The following BCL7C variants were observed in gnomAD, a reference collection of about 807,000 sequenced individuals.
BCL7C encodes the protein B-cell CLL/lymphoma 7 protein family member C.
A neutral mutation model predicts 26.2 loss-of-function variants in BCL7C; 8 were observed. The ratio of observed to expected loss-of-function variants is 0.30; its 90% CI spans 0.18 to 0.55. The LOEUF (loss-of-function observed/expected upper bound fraction) is 0.55. Ranked by LOEUF, BCL7C falls within the 20% of genes least tolerant of loss-of-function variation. The pLI, the probability that BCL7C is intolerant of heterozygous loss-of-function variation, is 0.93. For synonymous variants in BCL7C, 90 were observed against 116.5 expected, an observed-to-expected ratio of 0.77 and a Z score of 1.47; for missense variants, 262 against 298.5, an observed-to-expected ratio of 0.88 and a Z score of 0.90.
Position 30,834,955 on chromosome 16 carries a change from C to A in BCL7C, c.722G>T (p.Gly241Val). ...CTTGCTTGGGGAGCCCACTCACCTC[C>A]CCTTACCCTGGGGGATTGTTCTGGG... is the stretch of plus-strand genomic sequence containing the variant. The change falls in exon 6 of 6, where the codon GGG (glycine) becomes GTG (valine). Residue 241 changes from glycine to valine, a missense_variant. Gly to Val is a moderately radical substitution (Grantham distance 109). Transcript: ENST00000380317. This position sits in a 1 kb window ranked among gnomAD's most constrained non-coding sequence, Gnocchi z 4.3. 1 of 1,538,856 alleles carries A rather than the reference C, an allele frequency of 6.5e-7. No homozygotes were observed. The highest frequency in any genetic ancestry group is 8.8e-7 in the Non-Finnish European group (1 of 1,141,232).
Position 30,873,954 on chromosome 16 carries a change from TACACAC to T in BCL7C, c.528+14900_528+14905del, listed in dbSNP as rs145435913. Among the ~76,000 whole-genome samples, 3 of 137,764 alleles carry T rather than the reference TACACAC, an allele frequency of 2.2e-5. No homozygotes were observed. In the East Asian group the frequency reaches 6.3e-4, roughly 29 times the overall value. The allele number at this position is 137,764 out of a possible 152,430, so 90.4% of individuals were successfully genotyped here. A position where few individuals can be genotyped will look rare whatever the true frequency, so the allele number is the denominator to read the frequency against. On this transcript the variant is annotated intron_variant, in intron 5 of 5. Transcript: ENST00000380317. ...ATACATATATATATAGATATATGTA[TACACAC>T]ACACACACACACACAGAGGAAGGTA... is the stretch of plus-strand genomic sequence containing the variant.
intron 5 of BCL7C, among the ~76,000 whole-genome samples, chr16:30,880,784 G>A (rs1214769796): frequency 6.6e-6 from 1 of 151,854 alleles, no homozygotes; most frequent in African/African-American, 2.4e-5. Context: ...CTGCAGTGTT[G>A]AACTTCTGGA....
chr16:30,853,065 A>G (rs1289925402), intron 5 of BCL7C, among the ~76,000 whole-genome samples: 1 of 151,604 alleles, frequency 6.6e-6, no homozygotes, highest in African/African-American at 2.4e-5. Context: ...CCTCCCGAGT[A>G]GCTGGGATTA....
chr16:30,842,015 T>C (rs79473185), intron 5 of BCL7C, among the ~76,000 whole-genome samples: 1 of 398 alleles, frequency 2.5e-3, no homozygotes, highest in African/African-American at 2.6e-3. Flanking sequence ...AGGTGCCCCC[T>C]GACCCCTTCT....
chr16:30,856,432 C>G (rs893864138), intron 5 of BCL7C, among the ~76,000 whole-genome samples: 1 of 117,954 alleles, frequency 8.5e-6, no homozygotes, highest in Non-Finnish European at 1.7e-5. Context: ...CACAGTGAGA[C>G]TCCGTCTAAA....
At chr16:30,862,844 C>G (rs912905241) in intron 5 of BCL7C, among the ~76,000 whole-genome samples, 2 of 149,438 alleles carry the variant, frequency 1.3e-5, no homozygotes, top group African/African-American at 5.0e-5. Flanking sequence ...CTAGCTGACC[C>G]CATAAATCCT....
At chr16:30,848,924 A>C (rs1370662772) in intron 5 of BCL7C, among the ~76,000 whole-genome samples, 2 of 149,400 alleles carry the variant, frequency 1.3e-5, no homozygotes, top group African/African-American at 4.9e-5. Context: ...GCGGTGGTTC[A>C]TGCCTGTAAT....
At chr16:30,853,777 T>G (rs2054697000) in intron 5 of BCL7C, among the ~76,000 whole-genome samples, 1 of 152,172 alleles carries the variant, frequency 6.6e-6, no homozygotes, top group African/African-American at 2.4e-5. Context: ...CCTGTTCCAG[T>G]TCCAACAGCT....
At chr16:30,887,661 C>A, downstream of BCL7C, 2 of 784,990 alleles carry the variant, frequency 2.5e-6, no homozygotes, top group Non-Finnish European at 3.8e-6. Flanking sequence ...GCCCCCACCC[C>A]ACTCTGCCTT....
chr16:30,869,408 A>C (rs1010347423), intron 5 of BCL7C, among the ~76,000 whole-genome samples: 3 of 151,022 alleles, frequency 2.0e-5, no homozygotes, highest in Non-Finnish European at 4.4e-5. Context: ...ATGAGTTCTC[A>C]CTATGTTGCT....
chr16:30,889,071 G>T, intron 4 of BCL7C, 126 bp from the exon 5 acceptor site: 2 of 895,146 alleles, frequency 2.2e-6, no homozygotes, highest in Non-Finnish European at 3.6e-6. Context: ...GCAGAGAGGA[G>T]AGAGCAGGAA....
chr16:30,863,602 A>G (rs2054796377), intron 5 of BCL7C, among the ~76,000 whole-genome samples: 1 of 152,228 alleles, frequency 6.6e-6, no homozygotes, highest in Admixed American at 6.5e-5. Flanking sequence ...AGAAGCAGCT[A>G]GTGTTCCAAC....
At chr16:30,853,471 C>G (rs1304979714) in intron 5 of BCL7C, among the ~76,000 whole-genome samples, 2 of 152,176 alleles carry the variant, frequency 1.3e-5, no homozygotes, top group Non-Finnish European at 2.9e-5. Context: ...CCTGTAGGAC[C>G]TGCCTGAGGC....
chr16:30,871,220 A>T (rs1479039095), intron 5 of BCL7C, among the ~76,000 whole-genome samples: 4 of 152,168 alleles, frequency 2.6e-5, no homozygotes. Flanking sequence ...GGGACAGCGT[A>T]TAGGGAACAC....
Position 30,834,861 on chromosome 16 carries a change from C to G in BCL7C, c.*87G>C, listed in dbSNP as rs942068530. ...ACCGCGGTGGGTGAGCTGGGAAGCT[C>G]TTTCCGCCCTCGGGGCACAGGTAGT... On this transcript the variant is annotated 3_prime_UTR_variant, in exon 6 of 6. Transcript: ENST00000380317. This position sits in a 1 kb window ranked among gnomAD's most constrained non-coding sequence, Gnocchi z 4.3. The G allele has an allele frequency of 7.5e-7, 1 of 1,334,416 alleles. No homozygotes were observed. The highest frequency in any genetic ancestry group is 1.0e-6 in the Non-Finnish European group (1 of 999,504). 82.7% of individuals were successfully genotyped at this position (1,334,416 alleles called of 1,614,324 possible). A position where few individuals can be genotyped will look rare whatever the true frequency, so the allele number is the denominator to read the frequency against.
At chr16:30,860,578 C>A (rs1482684491) in intron 5 of BCL7C, among the ~76,000 whole-genome samples, 3 of 152,156 alleles carry the variant, frequency 2.0e-5, no homozygotes, top group Admixed American at 6.5e-5. Context: ...AATACAAACT[C>A]GACAATGGTT....
intron 5 of BCL7C, among the ~76,000 whole-genome samples, chr16:30,872,942 C>T (rs1163540568): frequency 7.9e-5 from 12 of 152,146 alleles, no homozygotes; most frequent in Non-Finnish European, 1.0e-4. Flanking sequence ...CCTGGAGAAC[C>T]GTAAATCAGA....
rs897152564 is a variant in BCL7C, at chr16:30,893,651, G to A, written c.92+202C>T. On this transcript the variant is annotated intron_variant, in intron 1 of 5. Coordinates refer to ENST00000215115, the MANE Select transcript of BCL7C (RefSeq NM_004765.4). This position sits in a 1 kb window ranked among gnomAD's most constrained non-coding sequence, Gnocchi z 5.2. Reference sequence around the variant, plus strand: ...GGCACAAGAGGGGGCTCCCGCTCTGGGAGGACACGGCTGGGGATCACGCTT... The same window carrying A: ...GGCACAAGAGGGGGCTCCCGCTCTGAGAGGACACGGCTGGGGATCACGCTT... 1.3e-5 allele frequency among the ~76,000 whole-genome samples: 2 copies of A among 152,068 alleles called. No individual in the cohort carries two copies. The highest frequency in any genetic ancestry group is 4.8e-5 in the African/African-American group (2 of 41,412).
intron 5 of BCL7C, among the ~76,000 whole-genome samples, chr16:30,878,347 G>A (rs956721140): frequency 5.3e-5 from 8 of 151,420 alleles, no homozygotes; most frequent in Admixed American, 2.6e-4. Context: ...TGGCTAACAC[G>A]GTGAAACCCC....
Sources: allele counts gnomAD v4.1 joint callset (sites outside exome capture counted in the v4.1 genomes callset), GRCh38; gene constraint gnomAD v4.1.1; non-coding constraint Gnocchi (gnomAD v3.1); transcripts MANE v1.5; gene names NCBI Gene and HGNC (gene_info 2026-07-23, HGNC 2026-07-21).